The following TNN variants were observed in gnomAD, a reference collection of about 807,000 sequenced individuals.
TNN encodes tenascin N.
Under a neutral mutation model 134.4 loss-of-function variants are expected in TNN, and 122 were observed. The ratio of observed to expected loss-of-function variants is 0.91; its 90% confidence interval spans 0.78 to 1.06. The LOEUF (loss-of-function observed/expected upper bound fraction) is 1.06, where lower values mean the gene tolerates loss of function less well. TNN is among the 50% of genes least tolerant of loss of function. The pLI, the probability that TNN is intolerant of heterozygous loss-of-function variation, is 0.00. For synonymous variants in TNN, 710 were observed against 670.3 expected (o/e 1.06, Z -0.91); for missense variants, 1,739 against 1,699.4 (o/e 1.02, Z -0.41).
intron 6 of TNN, among the ~76,000 whole-genome samples, chr1:175,087,753 GTCCCACAAGAC>G (rs1674351228): frequency 6.6e-6 from 1 of 152,164 alleles, no homozygotes. Context: ...TAAAGGCCCA[GTCCCACAAGAC>G]TTTCCTCACT....
At chr1:175,145,194 G>A (rs1287550627) in intron 18 of TNN, among the ~76,000 whole-genome samples, 1 of 152,090 alleles carries the variant, frequency 6.6e-6, no homozygotes, top group Non-Finnish European at 1.5e-5. Flanking sequence ...ATTTTGAAGA[G>A]ACACAAACAT....
intron 9 of TNN, among the ~76,000 whole-genome samples, chr1:175,106,988 A>T (rs1419546892): frequency 2.1e-5 from 3 of 146,102 alleles, no homozygotes; most frequent in African/African-American, 7.4e-5. Flanking sequence ...GATAGGACAG[A>T]ATAGCAAGTG....
chr1:175,118,117 T>C (rs1675232952), intron 10 of TNN, among the ~76,000 whole-genome samples: 2 of 152,186 alleles, frequency 1.3e-5, no homozygotes, highest in East Asian at 1.9e-4. Context: ...GGGGCTTACA[T>C]TTAGAAGTGG....
At chr1:175,142,269 C>T (rs555762836) in intron 17 of TNN, among the ~76,000 whole-genome samples, 45 of 152,280 alleles carry the variant, frequency 3.0e-4, no homozygotes, top group Admixed American at 3.3e-4. Flanking sequence ...CTGGGTGAGG[C>T]ATAAACGAGC....
At chr1:175,094,541 G>A (rs1273309972) in intron 7 of TNN, among the ~76,000 whole-genome samples, 2 of 152,120 alleles carry the variant, frequency 1.3e-5, no homozygotes, top group Admixed American at 6.6e-5. Context: ...TCATTTTTTA[G>A]ATGTGAAAAC....
chr1:175,118,700 A>G lies in TNN; in HGVS notation c.2526A>G (p.Pro842=), dbSNP rs778001940. The change falls in exon 11 of 19, where the codon CCA becomes CCG. Residue 842 remains proline, a synonymous_variant. Transcript: ENST00000239462. ...TSANGETREV[P]VGKEQSSTVL... Reference sequence around the variant, plus strand: ...CCAACGGAGAGACCAGGGAGGTTCCAGTGGGGAAGGAGCAGAGCAGCACTG... The same window carrying G: ...CCAACGGAGAGACCAGGGAGGTTCCGGTGGGGAAGGAGCAGAGCAGCACTG... The G allele has an allele frequency of 3.7e-6, 6 of 1,614,126 alleles. No individual in the cohort carries two copies. In the East Asian group the frequency reaches 6.7e-5, roughly 18 times the overall value.
intron 6 of TNN, among the ~76,000 whole-genome samples, chr1:175,092,232 T>C (rs1558353801): frequency 6.6e-6 from 1 of 152,240 alleles, no homozygotes; most frequent in Non-Finnish European, 1.5e-5. Flanking sequence ...GCACAGAAAG[T>C]TGTTACAGGA....
chr1:175,141,404 G>C (rs1282442418), intron 17 of TNN, among the ~76,000 whole-genome samples: 2 of 152,154 alleles, frequency 1.3e-5, no homozygotes, highest in Non-Finnish European at 2.9e-5. Flanking sequence ...CAACCTGGGG[G>C]CATTTGGAAA....
In TNN at chr1:175,079,604, C is replaced by T; in HGVS notation, c.681C>T (p.Asp227=). ...CQCHEDFMSE[D]CSEKRCPGDC... ...GCCACGAAGACTTCATGTCGGAGGA[C>T]TGCAGCGAGAAGCGCTGTCCCGGCG... Residue 227 remains aspartate, a synonymous_variant, in exon 3 of 19, where the codon GAC becomes GAT. Coordinates refer to ENST00000239462, the MANE Select transcript of TNN (RefSeq NM_022093.2). 1.3e-6 allele frequency: 2 copies of T among 1,597,694 alleles called. No homozygotes were observed. Among genetic ancestry groups the T allele is most frequent in the Non-Finnish European group, 1.7e-6 (2 of 1,173,426 alleles).
At chr1:175,069,422 A>T (rs1246691805) in intron 1 of TNN, among the ~76,000 whole-genome samples, 1 of 152,234 alleles carries the variant, frequency 6.6e-6, no homozygotes, top group Non-Finnish European at 1.5e-5. Flanking sequence ...TATAGGCTGC[A>T]GCTGACTCCC....
Position 175,123,488 on chromosome 1 carries a change from C to T in TNN, c.2739C>T (p.Asp913=). The T allele has an allele frequency of 6.2e-7, 1 of 1,614,234 alleles. No homozygotes were observed. The highest frequency in any genetic ancestry group is 8.5e-7 in the Non-Finnish European group (1 of 1,180,048). The stretch of plus-strand genomic sequence containing the variant: ...GGGACCCGGTTCAGGCCACCATTGA[C>T]AAGTACATGGTGCGCTACACCTCTG... ...VSWDPVQATI[D]KYMVRYTSAD... Residue 913 remains aspartate (D), a synonymous_variant, in exon 12 of 19, where the codon GAC becomes GAT. Transcript: ENST00000239462.
At chr1:175,118,504 G>C in intron 10 of TNN, 57 bp from the exon 11 acceptor site, 2 of 1,597,862 alleles carry the variant, frequency 1.3e-6, no homozygotes. Context: ...ATGACCACCA[G>C]TTTCTGCACT....
chr1:175,118,408 T>G (rs1400354930), intron 10 of TNN, among the ~76,000 whole-genome samples, 153 bp from the exon 11 acceptor site: 1 of 152,152 alleles, frequency 6.6e-6, no homozygotes, highest in Non-Finnish European at 1.5e-5. Context: ...GGGGAGAAGA[T>G]GATGTCCATG....
chr1:175,130,298 T>C (rs1356739906), intron 15 of TNN, among the ~76,000 whole-genome samples: 2 of 152,248 alleles, frequency 1.3e-5, no homozygotes, highest in Admixed American at 1.3e-4. Flanking sequence ...AGATACCATC[T>C]GATGAGCAGC....
chr1:175,101,920 G>A lies in TNN; in HGVS notation c.2119+3325G>A, dbSNP rs1413595697. On this transcript the variant is annotated intron_variant, in intron 9 of 18. Transcript: ENST00000239462. ...AACCTTGAGCTAGATACAGAGTGCCGATTGATGTATTAACAATCCTTGAGC... is the reference window on the plus strand; with the variant it reads ...AACCTTGAGCTAGATACAGAGTGCCAATTGATGTATTAACAATCCTTGAGC... Among the ~76,000 whole-genome samples the A allele has an allele frequency of 7.2e-5, 10 of 139,056 alleles. 1 individual carries two copies. The highest frequency in any genetic ancestry group is 1.1e-4 in the Non-Finnish European group (7 of 63,914). 91.2% of individuals were successfully genotyped at this position (139,056 alleles called of 152,430 possible).
chr1:175,123,440 G>A lies in TNN; in HGVS notation c.2691G>A (p.Thr897=), dbSNP rs192089840. 273 of 1,614,192 alleles carry A rather than the reference G, an allele frequency of 1.7e-4. 3 individuals are homozygous for A. The South Asian group carries it at 1.9e-3, about 11-fold the overall frequency. ...AAAACCTAGTGACTGACTGGGTGAC[G>A]GAGAATATGGCCACTGTCTCCTGGG... The part of the protein sequence containing the change: ...GPKNLVTDWV[T]ENMATVSWDP... Residue 897 remains threonine, a synonymous_variant, in exon 12 of 19, where the codon ACG becomes ACA. Coordinates refer to ENST00000239462, the MANE Select transcript of TNN (RefSeq NM_022093.2).
At chr1:175,129,424 C>T (rs1675621714) in intron 15 of TNN, among the ~76,000 whole-genome samples, 2 of 151,972 alleles carry the variant, frequency 1.3e-5, no homozygotes, top group South Asian at 4.2e-4. Context: ...GGTTCAAATG[C>T]CTCTGACACC....
intron 6 of TNN, among the ~76,000 whole-genome samples, chr1:175,090,851 A>C (rs2227242): frequency 6.6e-6 from 1 of 151,368 alleles, no homozygotes. Flanking sequence ...TTTACATCTC[A>C]TTGACCTTGA....
intron 17 of TNN, among the ~76,000 whole-genome samples, chr1:175,143,931 GTA>G (rs34252649): frequency 0.39 from 58,514 of 151,772 alleles, 11,642 homozygotes; most frequent in East Asian, 0.63. Context: ...ACATAGGGGT[GTA>G]TGTGAGTGAC....
Sources: gnomAD v4.1 joint callset for allele counts (sites outside exome capture counted in the v4.1 genomes callset) on GRCh38, gnomAD v4.1.1 for gene constraint, MANE v1.5 for transcripts, NCBI Gene and HGNC (gene_info 2026-07-23, HGNC 2026-07-21) for gene names.